Variants in ADAM22 observed in about 807,000 individuals in gnomAD.
ADAM22 encodes the protein disintegrin and metalloproteinase domain-containing protein 22.
ADAM22 carries 65 observed loss-of-function variants against 144.6 expected under a neutral mutation model. That is an observed-to-expected ratio of 0.45 (90% confidence interval 0.37 to 0.55). The LOEUF is 0.55. Among genes scored for constraint, ADAM22 ranks in the 20% least tolerant of loss-of-function variants. ADAM22 has a pLI of 0.00. For missense variants in ADAM22, 974 were observed against 1,184.9 expected (o/e 0.82, Z 2.61); for synonymous variants, 391 against 412.6 (o/e 0.95, Z 0.63).
chr7:88,193,109 A>T lies in ADAM22; in HGVS notation c.2751-7A>T. The T allele has an allele frequency of 6.2e-7, 1 of 1,613,766 alleles. No individual in the cohort carries two copies. Among genetic ancestry groups the T allele is most frequent in the South Asian group, 1.1e-5 (1 of 91,012 alleles). On this transcript the variant is annotated splice_polypyrimidine_tract_variant and splice_region_variant and intron_variant, in intron 30 of 31. Coordinates refer to ENST00000413139, the MANE Select transcript of ADAM22 (RefSeq NM_001324418.2). Reference sequence around the variant, plus strand: ...ATGATACTTAATTCATGTTCTCAACATCTCAGGACTTTATCTCCTGCCAAG... The same window carrying T: ...ATGATACTTAATTCATGTTCTCAACTTCTCAGGACTTTATCTCCTGCCAAG...
chr7:88,033,171 T>A (rs1330997469), intron 3 of ADAM22, among the ~76,000 whole-genome samples: 1 of 152,218 alleles, frequency 6.6e-6, no homozygotes, highest in Non-Finnish European at 1.5e-5. Context: ...TCTTTGTACC[T>A]GTCTTTGGGA....
intron 2 of ADAM22, among the ~76,000 whole-genome samples, chr7:87,971,595 C>T (rs1041146841): frequency 2.6e-5 from 4 of 152,154 alleles, no homozygotes; most frequent in African/African-American, 4.8e-5. Flanking sequence ...TGCAAAATTA[C>T]GTTTTTCCAG....
chr7:88,178,140 C>T (rs1373885041), intron 26 of ADAM22, among the ~76,000 whole-genome samples: 1 of 152,084 alleles, frequency 6.6e-6, no homozygotes, highest in Non-Finnish European at 1.5e-5. Flanking sequence ...AATCAGATGA[C>T]TTGGGTCAAT....
chr7:88,069,715 T>C lies in ADAM22; in HGVS notation c.324-5911T>C, dbSNP rs144081500. Among the ~76,000 whole-genome samples, 538 of 152,270 alleles carry C rather than the reference T, an allele frequency of 3.5e-3. 5 individuals are homozygous for C. Among genetic ancestry groups the C allele is most frequent in the African/African-American group, 0.012 (510 of 41,542 alleles). ...AATTAGGTCCAGGTGTAGATAAGGC[T>C]GCTTAGATGAGGTAGCCCAGGTGTA... On this transcript the variant is annotated intron_variant, in intron 3 of 31. Transcript: ENST00000413139.
At chr7:88,099,655 A>G (rs1438808427) in intron 4 of ADAM22, among the ~76,000 whole-genome samples, 1 of 152,174 alleles carries the variant, frequency 6.6e-6, no homozygotes, top group Non-Finnish European at 1.5e-5. Flanking sequence ...CATATGTAAC[A>G]TTAAATATTA....
chr7:88,115,119 C>T (rs903446930), intron 6 of ADAM22, among the ~76,000 whole-genome samples: 13 of 152,122 alleles, frequency 8.5e-5, no homozygotes, highest in Admixed American at 7.9e-4. Context: ...GTGGCATGCG[C>T]CTGTAATCCC....
At chr7:88,048,741 A>C (rs1805379679) in intron 3 of ADAM22, among the ~76,000 whole-genome samples, 1 of 152,124 alleles carries the variant, frequency 6.6e-6, no homozygotes, top group African/African-American at 2.4e-5. Context: ...ACACAGGAAA[A>C]TATATAATAA....
intron 30 of ADAM22, among the ~76,000 whole-genome samples, chr7:88,187,189 G>A (rs1235332823): frequency 6.6e-6 from 1 of 152,198 alleles, no homozygotes; most frequent in Non-Finnish European, 1.5e-5. Flanking sequence ...TAGAAACAAT[G>A]ATTTGGTCTA....
chr7:88,025,876 TAGG>T (rs778378530), intron 3 of ADAM22, among the ~76,000 whole-genome samples: 2,242 of 152,300 alleles, frequency 0.015, 28 homozygotes, highest in Non-Finnish European at 0.022. Context: ...ACATAAATTT[TAGG>T]ATTGTTTTTA....
Position 88,199,816 on chromosome 7 carries a change from T to C in ADAM22, c.*3325T>C, listed in dbSNP as rs1487913695. ...ATTAAGTGATACCATAGTTTCTCTC[T>C]CTTTTCCCTGTTACTTTAAAAAGAA... is the stretch of plus-strand genomic sequence containing the variant. On this transcript the variant is annotated 3_prime_UTR_variant, in exon 32 of 32. Transcript: ENST00000413139. 1 of 152,236 alleles carries C rather than the reference T, an allele frequency of 6.6e-6. No homozygotes were observed. Among genetic ancestry groups the C allele is most frequent in the Non-Finnish European group, 1.5e-5 (1 of 68,040 alleles). The allele number at this position is 152,236 out of a possible 1,614,324, so 9.4% of individuals were successfully genotyped here. A position where few individuals can be genotyped will look rare whatever the true frequency, so the allele number is the denominator to read the frequency against.
intron 3 of ADAM22, among the ~76,000 whole-genome samples, chr7:87,998,371 A>G (rs370379832): frequency 2.6e-5 from 4 of 152,234 alleles, no homozygotes; most frequent in African/African-American, 9.6e-5. Context: ...CCTTCAGACA[A>G]TGCAGGAGAA....
chr7:87,944,320 G>A (rs1584475217), intron 2 of ADAM22, among the ~76,000 whole-genome samples: 1 of 151,800 alleles, frequency 6.6e-6, no homozygotes, highest in Non-Finnish European at 1.5e-5. Context: ...CATTGCTCAA[G>A]CTTTTTTCTC....
At chr7:88,071,354 A>G (rs1349940323) in intron 3 of ADAM22, among the ~76,000 whole-genome samples, 3 of 147,164 alleles carry the variant, frequency 2.0e-5, no homozygotes, top group Admixed American at 6.8e-5. Context: ...CATTTCATCT[A>G]TGTTCTGGTT....
intron 4 of ADAM22, among the ~76,000 whole-genome samples, chr7:88,085,805 C>A (rs1446378633): frequency 1.3e-5 from 2 of 152,192 alleles, no homozygotes; most frequent in East Asian, 3.8e-4. Context: ...TTTATCATAA[C>A]CCCTTCCTTG....
At chr7:88,130,273 A>G in intron 9 of ADAM22, 115 bp from the exon 10 acceptor site, 1 of 623,434 alleles carries the variant, frequency 1.6e-6, no homozygotes, top group Non-Finnish European at 2.6e-6. Flanking sequence ...TACAGAAAAG[A>G]TTTTTTTTTT....
intron 4 of ADAM22, among the ~76,000 whole-genome samples, chr7:88,096,394 A>G (rs746477981): frequency 2.6e-5 from 4 of 151,496 alleles, no homozygotes; most frequent in Admixed American, 1.3e-4. Flanking sequence ...TTAATTACCA[A>G]TCTTCTTTTC....
At chr7:87,948,280 C>T (rs1057045319) in intron 2 of ADAM22, among the ~76,000 whole-genome samples, 3 of 152,192 alleles carry the variant, frequency 2.0e-5, no homozygotes, top group Admixed American at 2.0e-4. Context: ...CCCTGTAGCA[C>T]ATTGCTGGAC....
intron 3 of ADAM22, among the ~76,000 whole-genome samples, chr7:88,023,535 T>G (rs1472338530): frequency 6.6e-6 from 1 of 152,134 alleles, no homozygotes; most frequent in African/African-American, 2.4e-5. Flanking sequence ...TTCTCCTGCC[T>G]CAATCTCCTG....
chr7:88,195,772 C>T (rs1244896320), intron 31 of ADAM22, among the ~76,000 whole-genome samples: 2 of 152,140 alleles, frequency 1.3e-5, no homozygotes, highest in Non-Finnish European at 2.9e-5. Flanking sequence ...CCATCTCGGC[C>T]TCCCAAAGTG....
Sources: gnomAD v4.1 joint callset for allele counts (sites outside exome capture counted in the v4.1 genomes callset) on GRCh38, gnomAD v4.1.1 for gene constraint, MANE v1.5 for transcripts, NCBI Gene and HGNC (gene_info 2026-07-23, HGNC 2026-07-21) for gene names.